PARG: variants seen among roughly 807,000 people sequenced by gnomAD.
PARG encodes the protein mitochondrial poly(ADP-ribose) glycohydrolase.
Under a neutral mutation model 113.0 loss-of-function variants are expected in PARG, and 35 were observed. The observed-to-expected ratio is 0.31, with a 90% CI of 0.24 to 0.41. PARG has a LOEUF of 0.41. Ranked by LOEUF, PARG falls within the 10% of genes least tolerant of loss-of-function variation. The probability of loss-of-function intolerance (pLI) is 1.00; values close to 1 mark genes in which losing one functional copy is unlikely to be tolerated. For synonymous variants in PARG, 330 were observed against 409.9 expected (o/e 0.81, Z 2.36); for missense variants, 797 against 1,169.4 (o/e 0.68, Z 4.64).
chr10:49,843,664 A>C (rs770572706), intron 13 of PARG, 32 bp from the exon 14 acceptor site: 19 of 1,390,876 alleles, frequency 1.4e-5, no homozygotes, highest in Non-Finnish European at 1.5e-5. Context: ...TATTAACTTC[A>C]CACTTGATGG....
At chr10:49,928,461 C>T (rs1838326945) in intron 4 of PARG, among the ~76,000 whole-genome samples, 1 of 152,232 alleles carries the variant, frequency 6.6e-6, no homozygotes, top group Admixed American at 6.5e-5. Flanking sequence ...TCTGTGTTTG[C>T]ATGCACGCAC....
intron 9 of PARG, among the ~76,000 whole-genome samples, chr10:49,877,059 T>C (rs1554838535): frequency 6.7e-6 from 1 of 149,698 alleles, no homozygotes; most frequent in Non-Finnish European, 1.5e-5. Context: ...GGTAACCATA[T>C]ATAATAACAA....
At chr10:49,837,911 C>A (rs971108466) in intron 15 of PARG, among the ~76,000 whole-genome samples, 15 of 152,130 alleles carry the variant, frequency 9.9e-5, no homozygotes, top group Non-Finnish European at 1.8e-4. Context: ...CTCAAATTTC[C>A]TTGAAAAACT....
chr10:49,938,948 C>G (rs1487218905), intron 1 of PARG, among the ~76,000 whole-genome samples: 1 of 152,100 alleles, frequency 6.6e-6, no homozygotes, highest in Non-Finnish European at 1.5e-5. Context: ...AATTGGTGTC[C>G]TGTGCCAGGT....
intron 6 of PARG, among the ~76,000 whole-genome samples, chr10:49,921,548 T>C (rs1380398100): frequency 1.3e-5 from 2 of 151,866 alleles, no homozygotes; most frequent in African/African-American, 2.4e-5. Context: ...AAACAGGAGC[T>C]ACAGAAAGGT....
At chr10:49,920,451 TAA>T (rs781928566) in intron 6 of PARG, among the ~76,000 whole-genome samples, 3,000 of 39,834 alleles carry the variant, frequency 0.075, 417 homozygotes, top group Non-Finnish European at 0.097. Context: ...AGCCTCAAAT[TAA>T]AAAAAAAAAA....
At chr10:49,876,641 T>TC (rs1466661548) in intron 9 of PARG, among the ~76,000 whole-genome samples, 6 of 152,084 alleles carry the variant, frequency 3.9e-5, no homozygotes, top group African/African-American at 1.2e-4. Context: ...GTGAACTGAG[T>TC]ACTGGAGGAG....
intron 7 of PARG, among the ~76,000 whole-genome samples, chr10:49,912,245 A>G (rs1284732793): frequency 1.3e-5 from 2 of 152,206 alleles, no homozygotes; most frequent in Admixed American, 6.5e-5. Context: ...GGTTACAATG[A>G]GCCGAGATCA....
intron 1 of PARG, among the ~76,000 whole-genome samples, chr10:49,940,052 C>G (rs1478722316): frequency 6.6e-6 from 1 of 152,220 alleles, no homozygotes; most frequent in Non-Finnish European, 1.5e-5. Flanking sequence ...CCTTTACTTT[C>G]TCTACATGTT....
In PARG at chr10:49,941,771, G is replaced by C; in HGVS notation, c.-46C>G. ...GTCCCCGGGCCGGCCCGGGCGGAGA[G>C]CCTCATTCACTAACCCTGAGAGAGA... is the stretch of plus-strand genomic sequence containing the variant. On this transcript the variant is annotated 5_prime_UTR_variant, in exon 1 of 18. Transcript: ENST00000616448. 1.3e-6 allele frequency: 2 copies of C among 1,542,168 alleles called. No individual in the cohort carries two copies. Among genetic ancestry groups the C allele is most frequent in the Admixed American group, 2.0e-5 (1 of 51,266 alleles).
Position 49,819,147 on chromosome 10 carries a change from G to A in PARG, c.*193C>T, listed in dbSNP as rs753350518. ...AGAAACAAAACATATCTAAGTCCAC[G>A]TGAGTCAGGATGGAGGGAGTTTAGA... On this transcript the variant is annotated 3_prime_UTR_variant, in exon 18 of 18. Coordinates refer to ENST00000616448, the MANE Select transcript of PARG (RefSeq NM_003631.5). The A allele has an allele frequency of 8.1e-4, 383 of 471,406 alleles. 3 individuals are homozygous for A. The highest frequency in any genetic ancestry group is 4.1e-4 in the Non-Finnish European group (109 of 263,594). 29.2% of individuals were successfully genotyped at this position (471,406 alleles called of 1,614,324 possible). A position where few individuals can be genotyped will look rare whatever the true frequency, so the allele number is the denominator to read the frequency against.
At position 49,852,587 on chromosome 10, in the gene PARG, C is replaced by G. The variant is rs555547441; in HGVS notation, c.2353+4719G>C. 2.1e-5 allele frequency among the ~76,000 whole-genome samples: 3 copies of G among 145,056 alleles called. No homozygotes were observed. In the South Asian group the frequency reaches 6.6e-4, roughly 32 times the overall value. On this transcript the variant is annotated intron_variant, in intron 13 of 17. Transcript: ENST00000616448. Reference sequence around the variant, plus strand: ...TCTTCTTTTTTTCTTTTTTTTGAGACGGAGTCTCACTCTGTCACTCAGGCT... The same window carrying G: ...TCTTCTTTTTTTCTTTTTTTTGAGAGGGAGTCTCACTCTGTCACTCAGGCT...
At chr10:49,910,027 A>C (rs1465009482) in intron 7 of PARG, 1 of 152,234 alleles carries the variant, frequency 6.6e-6, no homozygotes, top group Non-Finnish European at 1.5e-5. Flanking sequence ...TGACAGAAAC[A>C]GTTCTGAAGA....
At chr10:49,920,555 T>C (rs1450301023) in intron 6 of PARG, among the ~76,000 whole-genome samples, 7 of 142,836 alleles carry the variant, frequency 4.9e-5, no homozygotes, top group African/African-American at 1.5e-4. Flanking sequence ...TATATATACA[T>C]ATATACGTAT....
At chr10:49,938,400 A>G (rs1197808756) in intron 1 of PARG, among the ~76,000 whole-genome samples, 1 of 152,214 alleles carries the variant, frequency 6.6e-6, no homozygotes, top group Non-Finnish European at 1.5e-5. Context: ...AACATTATTC[A>G]GTACCCAGTA....
chr10:49,827,256 A>C (rs1844405674), intron 16 of PARG, among the ~76,000 whole-genome samples: 1 of 152,260 alleles, frequency 6.6e-6, no homozygotes, highest in South Asian at 2.1e-4. Flanking sequence ...GAAGCTACTG[A>C]ATATATTTGT....
intron 16 of PARG, among the ~76,000 whole-genome samples, chr10:49,826,044 G>A (rs1222130674): frequency 1.3e-5 from 2 of 152,142 alleles, no homozygotes; most frequent in African/African-American, 4.8e-5. Flanking sequence ...TTACCTTTGA[G>A]CATCATGCGC....
chr10:49,869,253 C>T lies in PARG; in HGVS notation c.2068+223G>A, dbSNP rs555560283. ...TTACAGATTTCAGAGAATATGGGTC[C>T]GATTTCAGAGTATGTAAACCCCGCC... On this transcript the variant is annotated intron_variant, in intron 10 of 17. Coordinates refer to ENST00000616448, the MANE Select transcript of PARG (RefSeq NM_003631.5). Among the ~76,000 whole-genome samples, 1,354 of 152,020 alleles carry T rather than the reference C, an allele frequency of 8.9e-3. 6 individuals are homozygous for T. Among genetic ancestry groups the T allele is most frequent in the Middle Eastern group, 0.01 (3 of 294 alleles).
At chr10:49,836,307 CTTTTTTTTTTTTTTTTTTTT>C (rs1168567519) in intron 15 of PARG, among the ~76,000 whole-genome samples, 1 of 48,004 alleles carries the variant, frequency 2.1e-5, no homozygotes, top group South Asian at 1.3e-3. Context: ...TTTCTTACGA[CTTTTTTTTTTTTTTTTTTTT>C]TTTTTTTTTA....
Sources: allele counts gnomAD v4.1 joint callset (sites outside exome capture counted in the v4.1 genomes callset), GRCh38; gene constraint gnomAD v4.1.1; transcripts MANE v1.5; gene names NCBI Gene and HGNC (gene_info 2026-07-23, HGNC 2026-07-21).